RANBP2: variants seen among roughly 807,000 people sequenced by gnomAD.
RANBP2 encodes E3 SUMO-protein ligase RanBP2.
A neutral mutation model predicts 303.6 loss-of-function variants in RANBP2; 57 were observed. The ratio of observed to expected loss-of-function variants is 0.19; its 90% CI spans 0.15 to 0.23. The LOEUF is 0.23. Among genes scored for constraint, RANBP2 ranks in the 10% least tolerant of loss-of-function variants. The probability of loss-of-function intolerance (pLI) is 1.00; values close to 1 mark genes in which losing one functional copy is unlikely to be tolerated. For missense variants in RANBP2, 3,138 were observed against 3,780.8 expected, an observed-to-expected ratio of 0.83 and a Z score of 4.46; for synonymous variants, 1,167 against 1,301.5, an observed-to-expected ratio of 0.90 and a Z score of 2.23.
the RANBP2 span, among the ~76,000 whole-genome samples, chr2:109,483,294 C>T: frequency 0.01 from 1,528 of 152,324 alleles, 24 homozygotes; most frequent in Non-Finnish European, 0.015. Context: ...GATAAGTCCC[C>T]GTTTCTTTCT....
intron 12 of RANBP2, 77 bp from the exon 13 acceptor site, chr2:108,752,921 C>T: frequency 6.2e-7 from 1 of 1,606,954 alleles, no homozygotes; most frequent in Non-Finnish European, 8.5e-7. Flanking sequence ...TTAGCCAGTT[C>T]TTTCAACTTG....
chr2:109,766,503 C>T, the RANBP2 span, among the ~76,000 whole-genome samples: 2 of 150,600 alleles, frequency 1.3e-5, no homozygotes, highest in Non-Finnish European at 2.9e-5. Context: ...CCAAATGTAT[C>T]TTGATGACGT....
the RANBP2 span, among the ~76,000 whole-genome samples, chr2:109,712,501 TG>T: frequency 4.6e-5 from 7 of 152,194 alleles, no homozygotes; most frequent in African/African-American, 7.2e-5. Context: ...GCACGATCTC[TG>T]CTCACAGCAA....
chr2:109,187,671 G>A, the RANBP2 span, among the ~76,000 whole-genome samples: 4 of 152,186 alleles, frequency 2.6e-5, no homozygotes, highest in Non-Finnish European at 5.9e-5. Flanking sequence ...ACACTCTGAT[G>A]TTCACACAAT....
the RANBP2 span, among the ~76,000 whole-genome samples, chr2:109,717,271 C>CAAAAA: frequency 1.1e-4 from 9 of 80,864 alleles, no homozygotes; most frequent in Admixed American, 1.7e-4. Context: ...TAAAAACAAA[C>CAAAAA]CAAAAAAAAA....
At chr2:108,929,241 C>G in the RANBP2 span, 2 of 1,614,182 alleles carry the variant, frequency 1.2e-6, no homozygotes, top group East Asian at 2.2e-5. Context: ...TCCATGTCCC[C>G]TGGTGTCAGC....
chr2:109,084,379 G>T, the RANBP2 span, among the ~76,000 whole-genome samples: 2 of 152,328 alleles, frequency 1.3e-5, no homozygotes, highest in South Asian at 2.1e-4. Flanking sequence ...AGTGAGAAAG[G>T]CATCTACATT....
the RANBP2 span, among the ~76,000 whole-genome samples, chr2:108,939,344 A>G: frequency 2.0e-4 from 31 of 151,946 alleles, no homozygotes; most frequent in African/African-American, 7.2e-4. Flanking sequence ...GCGCCACCAC[A>G]CTTGGCTAAT....
Position 108,783,585 on chromosome 2 carries a change from C to CT in RANBP2, c.9370-4dup, listed in dbSNP as rs1558944131. On this transcript the variant is annotated splice_polypyrimidine_tract_variant and intron_variant, in intron 28 of 28. Transcript: ENST00000283195. ...AATTTTTAACTTTTTTATTATAAAT[C>CT]TTTTTTTCAGGGAGGAGATATCACC... The CT allele has an allele frequency of 1.9e-6, 3 of 1,593,496 alleles. No homozygotes were observed. Among genetic ancestry groups the CT allele is most frequent in the South Asian group, 1.1e-5 (1 of 86,990 alleles).
chr2:109,182,148 A>G, the RANBP2 span, among the ~76,000 whole-genome samples: 2 of 152,252 alleles, frequency 1.3e-5, no homozygotes, highest in East Asian at 3.8e-4. Flanking sequence ...GCTATAGAAG[A>G]ATACCACAAA....
At chr2:109,539,047 T>G in the RANBP2 span, among the ~76,000 whole-genome samples, 3 of 152,088 alleles carry the variant, frequency 2.0e-5, no homozygotes, top group Admixed American at 6.5e-5. Context: ...CGCCTGTATT[T>G]CCAACACTTT....
chr2:109,035,165 A>G, the RANBP2 span, among the ~76,000 whole-genome samples: 11 of 152,184 alleles, frequency 7.2e-5, no homozygotes, highest in Admixed American at 5.2e-4. Context: ...TCAGATCAAA[A>G]AGTAGTTTGT....
the RANBP2 span, among the ~76,000 whole-genome samples, chr2:109,601,595 T>C: frequency 6.6e-6 from 1 of 152,228 alleles, no homozygotes; most frequent in African/African-American, 2.4e-5. Context: ...GTTTCTCTTA[T>C]TAGTAAGAGC....
the RANBP2 span, among the ~76,000 whole-genome samples, chr2:109,137,979 A>G: frequency 2.0e-5 from 3 of 152,236 alleles, no homozygotes; most frequent in Admixed American, 6.5e-5. Flanking sequence ...GCCTTTACCC[A>G]TAAATGCAAT....
rs767739837 is a variant in RANBP2 at position 108,766,615 on chromosome 2, G to T, written c.6076G>T (p.Val2026Leu). 3.3e-5 allele frequency: 53 copies of T among 1,611,860 alleles called. No individual in the cohort carries two copies. The highest frequency in any genetic ancestry group is 4.2e-5 in the Non-Finnish European group (50 of 1,179,864). ...TCAAATGCCCGAAAAAGTAGAACTT[G>T]TAACAGGAGAAGAAGATGAAAAAGT... ...VVQMPEKVEL[V>L]TGEEDEKVLY... The change falls in exon 20 of 29, where the codon GTA becomes TTA. Residue 2026 changes from valine (V) to leucine (L), a missense_variant. Transcript: ENST00000283195.
the RANBP2 span, among the ~76,000 whole-genome samples, chr2:109,404,327 G>C: frequency 6.6e-6 from 1 of 152,224 alleles, no homozygotes; most frequent in Non-Finnish European, 1.5e-5. Context: ...AGAGAGCTGG[G>C]AGCTGTGTAA....
At chr2:109,065,945 T>C in the RANBP2 span, among the ~76,000 whole-genome samples, 2 of 152,226 alleles carry the variant, frequency 1.3e-5, no homozygotes, top group South Asian at 2.1e-4. Flanking sequence ...CCAGCTCTTG[T>C]GGATTTTTTT....
chr2:109,170,910 T>C, the RANBP2 span, among the ~76,000 whole-genome samples: 5 of 152,096 alleles, frequency 3.3e-5, no homozygotes, highest in African/African-American at 1.2e-4. Flanking sequence ...ATAAATCACC[T>C]CACTAAGCAG....
At chr2:109,586,993 G>A in the RANBP2 span, among the ~76,000 whole-genome samples, 1 of 151,968 alleles carries the variant, frequency 6.6e-6, no homozygotes, top group Admixed American at 6.6e-5. Context: ...AAAAAATTAT[G>A]ACAGGAAAAA....
Sources: allele counts gnomAD v4.1 joint callset (sites outside exome capture counted in the v4.1 genomes callset), GRCh38; gene constraint gnomAD v4.1.1; transcripts MANE v1.5; gene names NCBI Gene and HGNC (gene_info 2026-07-23, HGNC 2026-07-21).